The following ADARB2 variants were observed in gnomAD, a reference collection of about 807,000 sequenced individuals.
The protein encoded by ADARB2 is inactive double-stranded RNA-specific editase B2.
A neutral mutation model predicts 62.2 loss-of-function variants in ADARB2; 25 were observed. The observed-to-expected ratio is 0.40, with a 90% CI of 0.29 to 0.56. The LOEUF (loss-of-function observed/expected upper bound fraction) is 0.56, where lower values mean the gene tolerates loss of function less well. Ranked by LOEUF, ADARB2 falls within the 20% of genes least tolerant of loss-of-function variation. ADARB2 has a pLI of 0.43. For missense variants in ADARB2, 1,071 were observed against 1,077.4 expected (o/e 0.99, Z 0.08); for synonymous variants, 572 against 500.8 (o/e 1.14, Z -1.90).
At chr10:1,725,610 A>G (rs1835153883) in intron 1 of ADARB2, among the ~76,000 whole-genome samples, 1 of 152,294 alleles carries the variant, frequency 6.6e-6, no homozygotes, top group South Asian at 2.1e-4. Context: ...CAGCGGGGGA[A>G]TTACCCACCC....
intron 3 of ADARB2, among the ~76,000 whole-genome samples, chr10:1,352,109 C>G (rs1329537126): frequency 1.3e-5 from 2 of 152,022 alleles, no homozygotes; most frequent in African/African-American, 4.8e-5. Flanking sequence ...GCTTCACAGA[C>G]AGCCCCCATT....
At chr10:1,241,931 A>T (rs1256725138) in intron 5 of ADARB2, among the ~76,000 whole-genome samples, 200 bp downstream of exon 5, 1 of 152,208 alleles carries the variant, frequency 6.6e-6, no homozygotes, top group African/African-American at 2.4e-5. Flanking sequence ...CTGGAATTTT[A>T]GCATCTTCCC....
At chr10:1,732,683 G>A (rs1224073443) in intron 1 of ADARB2, among the ~76,000 whole-genome samples, 1 of 152,234 alleles carries the variant, frequency 6.6e-6, no homozygotes, top group Non-Finnish European at 1.5e-5. Context: ...TCCGGCCGGC[G>A]GTGCAGGACT....
chr10:1,694,936 G>A (rs1834720363), intron 1 of ADARB2, among the ~76,000 whole-genome samples: 1 of 152,130 alleles, frequency 6.6e-6, no homozygotes, highest in Admixed American at 6.5e-5. Context: ...TGAAGCCTCT[G>A]CATGGAAGGT....
rs991030908 is a variant in ADARB2, at chr10:1,398,841, G to T, written c.101-19681C>A. Among the ~76,000 whole-genome samples the T allele has an allele frequency of 6.6e-6, 1 of 152,120 alleles. No homozygotes were observed. The highest frequency in any genetic ancestry group is 1.5e-5 in the Non-Finnish European group (1 of 68,028). ...GATTTTCTCCCTCCGCAGCAGCAGC[G>T]CAGCCTGCACGAGGTTGCTGGGGGA... On this transcript the variant is annotated intron_variant, in intron 1 of 9. Transcript: ENST00000381312. This position sits in a 1 kb window ranked among gnomAD's most constrained non-coding sequence, Gnocchi z 4.1.
At chr10:1,572,240 T>A (rs1198712535) in intron 1 of ADARB2, among the ~76,000 whole-genome samples, 1 of 150,138 alleles carries the variant, frequency 6.7e-6, no homozygotes, top group Non-Finnish European at 1.5e-5. Context: ...GGCAGGTGAG[T>A]ATGCAGGTGA....
intron 3 of ADARB2, among the ~76,000 whole-genome samples, chr10:1,315,193 C>A (rs1831727496): frequency 6.6e-6 from 1 of 152,152 alleles, no homozygotes; most frequent in Non-Finnish European, 1.5e-5. Flanking sequence ...GGGGTGGGGG[C>A]TTGCAGGGAG....
chr10:1,655,931 T>C (rs1834167881), intron 1 of ADARB2, among the ~76,000 whole-genome samples: 1 of 152,198 alleles, frequency 6.6e-6, no homozygotes, highest in Non-Finnish European at 1.5e-5. Context: ...TCACTAAAAG[T>C]TGTATTGAAG....
intron 3 of ADARB2, among the ~76,000 whole-genome samples, chr10:1,329,372 T>C (rs1831906607): frequency 1.3e-5 from 2 of 152,376 alleles, no homozygotes; most frequent in South Asian, 2.1e-4. Flanking sequence ...TCTCTAAAAA[T>C]GTATCCCTTG....
chr10:1,603,087 AC>A (rs111676935), intron 1 of ADARB2, among the ~76,000 whole-genome samples: 4 of 136,134 alleles, frequency 2.9e-5, no homozygotes, highest in African/African-American at 1.0e-4. Context: ...ACCTGTACAC[AC>A]ATACACACAT....
intron 1 of ADARB2, among the ~76,000 whole-genome samples, chr10:1,467,842 C>T (rs1227777378): frequency 6.6e-6 from 1 of 152,230 alleles, no homozygotes; most frequent in African/African-American, 2.4e-5. Flanking sequence ...GGGAGACTGG[C>T]TCTGACATAG....
At chr10:1,615,600 C>G (rs1833622233) in intron 1 of ADARB2, among the ~76,000 whole-genome samples, 1 of 152,256 alleles carries the variant, frequency 6.6e-6, no homozygotes, top group Non-Finnish European at 1.5e-5. Context: ...ATTGGGCTCT[C>G]CCACTGACAA....
intron 1 of ADARB2, among the ~76,000 whole-genome samples, chr10:1,653,535 G>A (rs902980114): frequency 7.8e-4 from 118 of 151,756 alleles, no homozygotes; most frequent in Admixed American, 1.3e-3. Flanking sequence ...TCCACCAGAC[G>A]CCTCGTGTGC....
intron 1 of ADARB2, among the ~76,000 whole-genome samples, chr10:1,576,833 C>T (rs550320190): frequency 4.7e-4 from 64 of 136,750 alleles, no homozygotes; most frequent in African/African-American, 1.7e-3. Context: ...GTGTGGACTT[C>T]GTCAAGTGCG....
intron 3 of ADARB2, among the ~76,000 whole-genome samples, chr10:1,343,459 T>C (rs1832050703): frequency 6.6e-6 from 1 of 152,196 alleles, no homozygotes; most frequent in Non-Finnish European, 1.5e-5. Context: ...TGGAAAGCAA[T>C]TTGGCAAATT....
intron 1 of ADARB2, among the ~76,000 whole-genome samples, chr10:1,410,731 G>A (rs912191584): frequency 3.3e-5 from 5 of 152,166 alleles, no homozygotes; most frequent in African/African-American, 1.2e-4. Context: ...TTCAGGGTCA[G>A]CCAGTCTGTG....
chr10:1,503,541 T>C (rs1831794151), intron 1 of ADARB2, among the ~76,000 whole-genome samples: 1 of 152,126 alleles, frequency 6.6e-6, no homozygotes, highest in Non-Finnish European at 1.5e-5. Flanking sequence ...TATCATTTCC[T>C]TTATACAGCA....
intron 1 of ADARB2, among the ~76,000 whole-genome samples, chr10:1,666,808 T>G (rs1834322730): frequency 6.6e-6 from 1 of 152,186 alleles, no homozygotes; most frequent in Non-Finnish European, 1.5e-5. Context: ...TGGCCAATGT[T>G]TAACGGCATC....
chr10:1,231,833 G>C (rs1830806820), intron 6 of ADARB2, among the ~76,000 whole-genome samples: 1 of 152,174 alleles, frequency 6.6e-6, no homozygotes, highest in Non-Finnish European at 1.5e-5. Flanking sequence ...GCAAAAAGGA[G>C]GAGGAATGTT....
Sources: gnomAD v4.1 joint callset for allele counts (sites outside exome capture counted in the v4.1 genomes callset) on GRCh38, gnomAD v4.1.1 for gene constraint, Gnocchi (gnomAD v3.1) non-coding constraint, MANE v1.5 for transcripts, NCBI Gene and HGNC (gene_info 2026-07-23, HGNC 2026-07-21) for gene names.